The following OXSR1 variants were observed in gnomAD, a reference collection of about 807,000 sequenced individuals.
The protein encoded by OXSR1 is oxidative stress responsive kinase 1.
A neutral mutation model predicts 79.8 loss-of-function variants in OXSR1; 24 were observed. The observed-to-expected ratio is 0.30, with a 90% CI of 0.22 to 0.42. The LOEUF (loss-of-function observed/expected upper bound fraction) is 0.42, where lower values mean the gene tolerates loss of function less well. OXSR1 is among the 10% of genes least tolerant of loss of function. The pLI is 1.00. For synonymous variants in OXSR1, 226 were observed against 209.2 expected, an observed-to-expected ratio of 1.08 and a Z score of -0.69; for missense variants, 430 against 618.4, an observed-to-expected ratio of 0.70 and a Z score of 3.23.
At chr3:38,203,741 G>A (rs1376246891) in intron 4 of OXSR1, among the ~76,000 whole-genome samples, 1 of 152,170 alleles carries the variant, frequency 6.6e-6, no homozygotes, top group Non-Finnish European at 1.5e-5. Flanking sequence ...GATGACACAA[G>A]CACCCCTGTG....
At chr3:38,196,283 T>G (rs1044581394) in intron 3 of OXSR1, among the ~76,000 whole-genome samples, 5 of 152,242 alleles carry the variant, frequency 3.3e-5, no homozygotes, top group Non-Finnish European at 7.3e-5. Flanking sequence ...CTCTTCACCT[T>G]TCTCTTAGCT....
Position 38,254,007 on chromosome 3 carries a change from T to C in OXSR1, c.*1116T>C, listed in dbSNP as rs559487517. The stretch of plus-strand genomic sequence containing the variant: ...CATTTGATTTTCTACAGAAATAATA[T>C]AAATTATTCTTTAGGTTTAAAAAAG... On this transcript the variant is annotated 3_prime_UTR_variant, in exon 18 of 18. Coordinates refer to ENST00000311806, the MANE Select transcript of OXSR1 (RefSeq NM_005109.3). 10 of 393,408 alleles carry C rather than the reference T, an allele frequency of 2.5e-5. No homozygotes were observed. In the South Asian group the frequency reaches 1.1e-3, roughly 45 times the overall value. 24.4% of individuals were successfully genotyped at this position (393,408 alleles called of 1,614,324 possible). A position where few individuals can be genotyped will look rare whatever the true frequency, so the allele number is the denominator to read the frequency against.
intron 8 of OXSR1, among the ~76,000 whole-genome samples, chr3:38,226,935 G>A (rs927183274): frequency 5.9e-5 from 9 of 152,040 alleles, no homozygotes; most frequent in African/African-American, 2.2e-4. Context: ...TATTTTAGTT[G>A]ATTTCTTTAT....
In OXSR1 at chr3:38,253,590, C is replaced by CTG. The variant is rs1703302978; in HGVS notation, c.*699_*700insTG. ...CTGACTGTAGCCGAACTTCAGCCAT[C>CTG]AGATCCTTCAAAGTGGAACTTTGGA... On this transcript the variant is annotated 3_prime_UTR_variant, in exon 18 of 18. Transcript: ENST00000311806. 6.6e-6 allele frequency: 1 copy of CTG among 152,654 alleles called. No individual in the cohort carries two copies. Among genetic ancestry groups the CTG allele is most frequent in the Non-Finnish European group, 1.5e-5 (1 of 68,078 alleles). 9.5% of individuals were successfully genotyped at this position (152,654 alleles called of 1,614,324 possible). A position where few individuals can be genotyped will look rare whatever the true frequency, so the allele number is the denominator to read the frequency against.
intron 4 of OXSR1, among the ~76,000 whole-genome samples, chr3:38,210,064 T>C (rs878989424): frequency 1.4e-4 from 22 of 152,250 alleles, no homozygotes; most frequent in Non-Finnish European, 3.1e-4. Context: ...TTTTTTTTTT[T>C]CCTCTTGACA....
At chr3:38,181,774 C>CT (rs1701791093) in intron 1 of OXSR1, among the ~76,000 whole-genome samples, 1 of 150,730 alleles carries the variant, frequency 6.6e-6, no homozygotes, top group Admixed American at 6.6e-5. Context: ...GTGTGGTCAT[C>CT]TTTTTTCTTT....
chr3:38,217,947 T>A (rs1187837481), intron 5 of OXSR1, among the ~76,000 whole-genome samples: 1 of 152,222 alleles, frequency 6.6e-6, no homozygotes, highest in South Asian at 2.1e-4. Context: ...AGAATTTCAT[T>A]ACTTTTTAAA....
At chr3:38,200,667 G>C (rs952242171) in intron 4 of OXSR1, among the ~76,000 whole-genome samples, 15 of 152,222 alleles carry the variant, frequency 9.9e-5, no homozygotes, top group African/African-American at 3.6e-4. Context: ...CCTGAGTTCA[G>C]ATTCTGAGTG....
chr3:38,201,858 T>C (rs1702171561), intron 4 of OXSR1, among the ~76,000 whole-genome samples: 1 of 152,174 alleles, frequency 6.6e-6, no homozygotes, highest in South Asian at 2.1e-4. Flanking sequence ...AGCAAGACTC[T>C]GTGTCGAAAA....
Position 38,220,308 on chromosome 3 carries a change from C to G in OXSR1, c.491-1270C>G, listed in dbSNP as rs573936945. 1.1e-4 allele frequency among the ~76,000 whole-genome samples: 16 copies of G among 152,214 alleles called. 2 individuals are homozygous for G. The South Asian group carries it at 3.3e-3, about 32-fold the overall frequency. On this transcript the variant is annotated intron_variant, in intron 5 of 17. Coordinates refer to ENST00000311806, the MANE Select transcript of OXSR1 (RefSeq NM_005109.3). ...AGTTTGCCATGCTAAAATTAGCCTT[C>G]TCACAATTGGGTTTTCTGTAATTTA...
rs1178954477 is a variant in OXSR1, at chr3:38,255,435, T to C, written c.*2544T>C. On this transcript the variant is annotated 3_prime_UTR_variant, in exon 18 of 18. Transcript: ENST00000311806. Reference sequence around the variant, plus strand: ...TTTTTCCTCCTTTTTTTGGACTTTGTATTTTACTGCATGTTTTCTTCATTT... The same window carrying C: ...TTTTTCCTCCTTTTTTTGGACTTTGCATTTTACTGCATGTTTTCTTCATTT... 1 of 152,664 alleles carries C rather than the reference T, an allele frequency of 6.6e-6. No individual in the cohort carries two copies. Among genetic ancestry groups the C allele is most frequent in the Non-Finnish European group, 1.5e-5 (1 of 68,042 alleles). The allele number at this position is 152,664 out of a possible 1,614,324, so 9.5% of individuals were successfully genotyped here.
In OXSR1 at chr3:38,170,296, T is replaced by C. The variant is rs190356790; in HGVS notation, c.70+4350T>C. ...CCTTACCTCAGATGATCTGCCTGCC[T>C]CGGCCTCCCAAAGTGTTGGGGTTAC... On this transcript the variant is annotated intron_variant, in intron 1 of 17. Coordinates refer to ENST00000311806, the MANE Select transcript of OXSR1 (RefSeq NM_005109.3). 1.2e-3 allele frequency among the ~76,000 whole-genome samples: 177 copies of C among 152,304 alleles called. 1 individual carries two copies. Among genetic ancestry groups the C allele is most frequent in the African/African-American group, 3.2e-3 (135 of 41,568 alleles).
chr3:38,207,124 C>T (rs1439836881), intron 4 of OXSR1, among the ~76,000 whole-genome samples: 1 of 152,166 alleles, frequency 6.6e-6, no homozygotes, highest in Admixed American at 6.5e-5. Context: ...GTGAGATGTT[C>T]TCTGTCACCA....
intron 1 of OXSR1, among the ~76,000 whole-genome samples, chr3:38,173,780 C>T (rs1243777385): frequency 6.6e-6 from 1 of 152,112 alleles, no homozygotes; most frequent in Non-Finnish European, 1.5e-5. Flanking sequence ...AGGCACTGTT[C>T]TGGATGCTGG....
chr3:38,251,352 C>A, intron 15 of OXSR1, 51 bp from the exon 16 acceptor site: 2 of 1,451,644 alleles, frequency 1.4e-6, no homozygotes, highest in Non-Finnish European at 1.9e-6. Flanking sequence ...TGAGAGTTAA[C>A]AGTGGCAAGC....
At chr3:38,171,828 G>C (rs1701588068) in intron 1 of OXSR1, among the ~76,000 whole-genome samples, 1 of 152,154 alleles carries the variant, frequency 6.6e-6, no homozygotes, top group Non-Finnish European at 1.5e-5. Context: ...GAATTTCTGA[G>C]CATGTGTTAT....
chr3:38,196,392 A>C (rs2125818244), intron 3 of OXSR1, among the ~76,000 whole-genome samples: 1 of 152,310 alleles, frequency 6.6e-6, no homozygotes, highest in Admixed American at 6.5e-5. Flanking sequence ...CAAATGGATA[A>C]GAAGCGGGGG....
intron 1 of OXSR1, among the ~76,000 whole-genome samples, chr3:38,169,609 G>A (rs879678209): frequency 3.0e-4 from 42 of 140,856 alleles, no homozygotes; most frequent in Non-Finnish European, 5.2e-4. Flanking sequence ...CTGGCTGTTC[G>A]TTTTTTTTTT....
At chr3:38,195,216 GA>G (rs942944065) in intron 3 of OXSR1, among the ~76,000 whole-genome samples, 14 of 151,556 alleles carry the variant, frequency 9.2e-5, no homozygotes, top group African/African-American at 3.4e-4. Flanking sequence ...CTTCTGAGAG[GA>G]AAAAAAAGGT....
Sources: gnomAD v4.1 joint callset for allele counts (sites outside exome capture counted in the v4.1 genomes callset) on GRCh38, gnomAD v4.1.1 for gene constraint, MANE v1.5 for transcripts, NCBI Gene and HGNC (gene_info 2026-07-23, HGNC 2026-07-21) for gene names.